ARCN1: variants seen among roughly 807,000 people sequenced by gnomAD.
ARCN1 encodes coatomer subunit delta.
ARCN1 carries 5 observed loss-of-function variants against 60.4 expected under a neutral mutation model. That is an observed-to-expected ratio of 0.08 (90% CI 0.04 to 0.17). The LOEUF (loss-of-function observed/expected upper bound fraction) is 0.17. Ranked by LOEUF, ARCN1 falls within the 10% of genes least tolerant of loss-of-function variation. ARCN1 has a pLI of 1.00. For missense variants in ARCN1, 464 were observed against 626.5 expected (o/e 0.74, Z 2.77); for synonymous variants, 224 against 220.0 (o/e 1.02, Z -0.16).
chr11:118,598,579 C>G (rs1371819534), intron 9 of ARCN1, among the ~76,000 whole-genome samples: 2 of 150,932 alleles, frequency 1.3e-5, no homozygotes. Flanking sequence ...ACCGCAACCT[C>G]CGCCTCCCAG....
At chr11:118,583,422 A>T in intron 3 of ARCN1, 64 bp downstream of exon 3, 1 of 1,474,400 alleles carries the variant, frequency 6.8e-7, no homozygotes, top group Non-Finnish European at 9.0e-7. Flanking sequence ...CACTAATCTC[A>T]TTTTCCTATT....
chr11:118,585,246 G>A (rs1210965596), intron 5 of ARCN1, among the ~76,000 whole-genome samples: 3 of 151,980 alleles, frequency 2.0e-5, no homozygotes, highest in Non-Finnish European at 2.9e-5. Context: ...ACAGGCATGC[G>A]TTGCTGCACC....
At chr11:118,593,027 T>C (rs567817808) in intron 7 of ARCN1, among the ~76,000 whole-genome samples, 171 bp downstream of exon 7, 87 of 152,354 alleles carry the variant, frequency 5.7e-4, no homozygotes, top group African/African-American at 2.0e-3. Context: ...TTAGTTTTCA[T>C]TTTTAATAGC....
At chr11:118,593,487 C>T (rs1938958012) in intron 7 of ARCN1, 103 bp from the exon 8 acceptor site, 2 of 704,462 alleles carry the variant, frequency 2.8e-6, no homozygotes, top group African/African-American at 1.8e-5. Flanking sequence ...CACCTCGATC[C>T]TACCACCTTG....
intron 1 of ARCN1, among the ~76,000 whole-genome samples, chr11:118,574,870 A>G (rs73023341): frequency 0.16 from 25,071 of 152,160 alleles, 2,637 homozygotes; most frequent in East Asian, 0.53. Context: ...AGCCTCAAGC[A>G]ATCCTCCCGC....
intron 8 of ARCN1, 118 bp downstream of exon 8, chr11:118,593,816 C>G: frequency 1.7e-6 from 1 of 578,586 alleles, no homozygotes; most frequent in Non-Finnish European, 3.0e-6. Context: ...CTTTAAAAAG[C>G]TAGTTGTGAA....
intron 5 of ARCN1, among the ~76,000 whole-genome samples, chr11:118,589,872 A>C (rs550614320): frequency 6.6e-6 from 1 of 152,372 alleles, no homozygotes; most frequent in South Asian, 2.1e-4. Context: ...TGCTGTATCA[A>C]AGGGTATCGC....
intron 1 of ARCN1, among the ~76,000 whole-genome samples, chr11:118,574,405 A>G (rs1363102475): frequency 3.3e-5 from 5 of 152,178 alleles, no homozygotes; most frequent in Non-Finnish European, 7.3e-5. Flanking sequence ...TTAGCTCAAC[A>G]TTTCATTATG....
At position 118,582,697 on chromosome 11, in the gene ARCN1, GA is replaced by G. The variant is rs1565360709; in HGVS notation, c.268-481del. On this transcript the variant is annotated intron_variant, in intron 2 of 9. Coordinates refer to ENST00000264028, the MANE Select transcript of ARCN1 (RefSeq NM_001655.5). ...GCCGAGATCGTGCCACTGCACTCCA[GA>G]CCGGGTGACAGAGTTAGACTTTGTC... Among the ~76,000 whole-genome samples the G allele has an allele frequency of 2.8e-5, 4 of 143,640 alleles. No homozygotes were observed. The East Asian group carries it at 6.2e-4, about 22-fold the overall frequency. The allele number at this position is 143,640 out of a possible 152,430, so 94.2% of individuals were successfully genotyped here.
At chr11:118,598,785 G>A (rs1160484528) in intron 9 of ARCN1, among the ~76,000 whole-genome samples, 12 of 150,854 alleles carry the variant, frequency 8.0e-5, no homozygotes, top group Admixed American at 7.9e-4. Context: ...GTGAGCCACA[G>A]TGCCCAATGG....
At chr11:118,583,776 A>G (rs1555075011) in intron 3 of ARCN1, 33 bp from the exon 4 acceptor site, 1 of 1,597,048 alleles carries the variant, frequency 6.3e-7, no homozygotes, top group Admixed American at 1.8e-5. Flanking sequence ...ACCCAAAAAA[A>G]AAAGCTACAT....
intron 1 of ARCN1, among the ~76,000 whole-genome samples, chr11:118,580,784 A>G (rs1292167369): frequency 6.6e-6 from 1 of 152,012 alleles, no homozygotes; most frequent in Non-Finnish European, 1.5e-5. Flanking sequence ...TGGCCTCCCA[A>G]AGTGCTGAGT....
intron 9 of ARCN1, among the ~76,000 whole-genome samples, chr11:118,598,334 A>G (rs1939073959): frequency 6.6e-6 from 1 of 150,884 alleles, no homozygotes; most frequent in African/African-American, 2.4e-5. Flanking sequence ...AATTACTACA[A>G]AAAAAAAATC....
intron 4 of ARCN1, 70 bp downstream of exon 4, chr11:118,584,084 G>T: frequency 7.0e-7 from 1 of 1,438,272 alleles, no homozygotes; most frequent in Non-Finnish European, 9.5e-7. Flanking sequence ...GTCATAATCT[G>T]ATTTCTTGGA....
Position 118,590,471 on chromosome 11 carries a change from G to A in ARCN1, c.949G>A (p.Val317Met). 1 of 1,614,184 alleles carries A rather than the reference G, an allele frequency of 6.2e-7. No individual in the cohort carries two copies. Among genetic ancestry groups the A allele is most frequent in the East Asian group, 2.2e-5 (1 of 44,880 alleles). The change falls in exon 6 of 10, where the codon GTG becomes ATG. Residue 317 changes from valine to methionine, a missense_variant. This residue lies in a region of ARCN1 where 359 missense variants were observed against 440.2 expected (regional missense o/e 0.82). Coordinates refer to ENST00000264028, the MANE Select transcript of ARCN1 (RefSeq NM_001655.5). ...DDKYGRIRLH[V>M]ENEDKKGVQL... ...CAAGTATGGCCGAATTCGTCTTCAT[G>A]TGGAAAATGAAGATAAGAAAGGGGT...
intron 9 of ARCN1, among the ~76,000 whole-genome samples, chr11:118,599,371 G>A (rs545851204): frequency 4.9e-4 from 74 of 152,170 alleles, no homozygotes; most frequent in African/African-American, 1.6e-3. Flanking sequence ...GATTACAGGC[G>A]CGAGTCACCG....
chr11:118,582,637 A>C (rs1388175355), intron 2 of ARCN1, among the ~76,000 whole-genome samples: 1 of 151,164 alleles, frequency 6.6e-6, no homozygotes, highest in Admixed American at 6.6e-5. Flanking sequence ...GAGGCATGAG[A>C]ATTGCGTGAA....
chr11:118,572,985 AC>A, intron 1 of ARCN1: 1 of 191,594 alleles, frequency 5.2e-6, no homozygotes, highest in Non-Finnish European at 1.1e-5. Context: ...CTTGTCTCCC[AC>A]CCCCGGTGTT....
intron 1 of ARCN1, among the ~76,000 whole-genome samples, chr11:118,580,887 C>T (rs1565359741): frequency 1.3e-5 from 2 of 152,078 alleles, no homozygotes; most frequent in East Asian, 1.9e-4. Context: ...AATCCCAGCA[C>T]TTTGGGAGGC....
Sources: gnomAD v4.1 joint callset for allele counts (sites outside exome capture counted in the v4.1 genomes callset) on GRCh38, gnomAD v4.1.1 for gene constraint, gnomAD v4.1.1 regional missense constraint, MANE v1.5 for transcripts, NCBI Gene and HGNC (gene_info 2026-07-23, HGNC 2026-07-21) for gene names.